CTNNA3: variants seen among roughly 807,000 people sequenced by gnomAD.
The protein encoded by CTNNA3 is catenin alpha 3, also known as catenin alpha-3.
CTNNA3 carries 76 observed loss-of-function variants against 95.7 expected under a neutral mutation model. The observed-to-expected ratio is 0.79, with a 90% CI of 0.66 to 0.96. The LOEUF (loss-of-function observed/expected upper bound fraction) is 0.96, where lower values mean the gene tolerates loss of function less well. CTNNA3 is among the 40% of genes least tolerant of loss of function. CTNNA3 has a pLI of 0.00. For missense variants in CTNNA3, 1,191 were observed against 1,089.8 expected, an observed-to-expected ratio of 1.09 and a Z score of -1.31; for synonymous variants, 431 against 374.4, an observed-to-expected ratio of 1.15 and a Z score of -1.74.
Position 67,205,409 on chromosome 10 carries a change from G to T in CTNNA3, c.843+14198C>A, listed in dbSNP as rs75580216. Reference sequence around the variant, plus strand: ...TCTTACTAGTAAATAATTTTATTTAGTTCTTATTTACCCACCAAAATTGCA... The same window carrying T: ...TCTTACTAGTAAATAATTTTATTTATTTCTTATTTACCCACCAAAATTGCA... On this transcript the variant is annotated intron_variant, in intron 6 of 17. Transcript: ENST00000433211. Among the ~76,000 whole-genome samples the T allele has an allele frequency of 4.6e-5, 7 of 152,146 alleles. No homozygotes were observed. The East Asian group carries it at 1.4e-3, about 29-fold the overall frequency.
chr10:67,660,885 C>T (rs747100849), intron 1 of CTNNA3, among the ~76,000 whole-genome samples: 9 of 149,596 alleles, frequency 6.0e-5, no homozygotes, highest in Non-Finnish European at 1.2e-4. Flanking sequence ...GAGCCAAGAT[C>T]GCGCCACTGC....
intron 9 of CTNNA3, among the ~76,000 whole-genome samples, chr10:66,755,733 A>G (rs1839338907): frequency 6.6e-6 from 1 of 152,112 alleles, no homozygotes; most frequent in Admixed American, 6.6e-5. Flanking sequence ...CTCAGTCTAA[A>G]CGTTGCCAGT....
At chr10:67,292,696 A>G (rs1005899538) in intron 5 of CTNNA3, among the ~76,000 whole-genome samples, 1 of 152,182 alleles carries the variant, frequency 6.6e-6, no homozygotes, top group African/African-American at 2.4e-5. Context: ...CTTTAGTTTT[A>G]CTTAATAATC....
chr10:66,269,207 A>C (rs989325718), intron 13 of CTNNA3, among the ~76,000 whole-genome samples: 1 of 152,218 alleles, frequency 6.6e-6, no homozygotes, highest in Non-Finnish European at 1.5e-5. Context: ...AAAAGACTAC[A>C]TGACTTACAT....
chr10:67,391,502 G>A (rs528852154), intron 5 of CTNNA3, among the ~76,000 whole-genome samples: 1 of 152,148 alleles, frequency 6.6e-6, no homozygotes, highest in African/African-American at 2.4e-5. Flanking sequence ...CAGATTCAAT[G>A]CCATCCCCAT....
chr10:66,064,420 G>T (rs1461955314), intron 15 of CTNNA3, among the ~76,000 whole-genome samples: 1 of 152,120 alleles, frequency 6.6e-6, no homozygotes, highest in Non-Finnish European at 1.5e-5. Context: ...AATTTCCTTG[G>T]TGATCATTCT....
intron 7 of CTNNA3, among the ~76,000 whole-genome samples, chr10:67,135,408 C>T (rs1860246815): frequency 6.6e-6 from 1 of 152,126 alleles, no homozygotes; most frequent in Non-Finnish European, 1.5e-5. Flanking sequence ...GTCACAATGG[C>T]TCATGCCTGC....
intron 11 of CTNNA3, among the ~76,000 whole-genome samples, chr10:66,453,981 A>G (rs1206561492): frequency 6.6e-6 from 1 of 152,212 alleles, no homozygotes; most frequent in Non-Finnish European, 1.5e-5. Context: ...TAGGGAGCTT[A>G]TCCTGAATTA....
intron 11 of CTNNA3, among the ~76,000 whole-genome samples, chr10:66,394,566 AAAAAAG>A (rs1185605594): frequency 2.6e-5 from 4 of 151,570 alleles, no homozygotes; most frequent in African/African-American, 9.7e-5. Context: ...AAAAAAAAAA[AAAAAAG>A]AAGAAGAAAT....
chr10:67,397,496 C>A (rs1458101672), intron 5 of CTNNA3, among the ~76,000 whole-genome samples: 1 of 152,110 alleles, frequency 6.6e-6, no homozygotes, highest in Admixed American at 6.6e-5. Flanking sequence ...AGTGACAAAG[C>A]ATTCAAGAGG....
At chr10:66,351,353 G>T (rs1032975054) in intron 12 of CTNNA3, among the ~76,000 whole-genome samples, 1 of 151,996 alleles carries the variant, frequency 6.6e-6, no homozygotes, top group African/African-American at 2.4e-5. Context: ...GAAGACTTGG[G>T]CTGAGAGAAG....
chr10:66,554,003 T>C (rs534530770), intron 10 of CTNNA3, among the ~76,000 whole-genome samples: 2 of 152,142 alleles, frequency 1.3e-5, no homozygotes, highest in Non-Finnish European at 2.9e-5. Context: ...ATTTACCTAC[T>C]TTTTGTTACT....
intron 7 of CTNNA3, among the ~76,000 whole-genome samples, chr10:67,079,865 AC>A: frequency 4.5e-5 from 1 of 22,056 alleles, no homozygotes; most frequent in Non-Finnish European, 7.6e-5. Flanking sequence ...CAAAACACAC[AC>A]ACACACACAC....
rs765405127 is a variant in CTNNA3, at chr10:67,079,191, T to G, written c.1047+101126A>C. 1.7e-3 allele frequency among the ~76,000 whole-genome samples: 261 copies of G among 152,324 alleles called. 2 individuals carry two copies. Among genetic ancestry groups the G allele is most frequent in the Non-Finnish European group, 4.1e-4 (28 of 68,022 alleles). ...GCTGGCTGTATTTTTTGTGTGGGGA[T>G]GTATGCAAGGTTAACTTATGAGCAC... On this transcript the variant is annotated intron_variant, in intron 7 of 17. Transcript: ENST00000433211.
chr10:67,051,047 C>T (rs971297114), intron 7 of CTNNA3, among the ~76,000 whole-genome samples: 3 of 152,098 alleles, frequency 2.0e-5, no homozygotes, highest in Non-Finnish European at 4.4e-5. Flanking sequence ...TTTTCAAGAA[C>T]CTTACAATAT....
chr10:67,501,484 T>C lies in CTNNA3; in HGVS notation c.579+20358A>G, dbSNP rs531093321. Among the ~76,000 whole-genome samples, 36 of 152,350 alleles carry C rather than the reference T, an allele frequency of 2.4e-4. No individual in the cohort carries two copies. In the South Asian group the frequency reaches 6.0e-3, roughly 25 times the overall value. The stretch of plus-strand genomic sequence containing the variant: ...AGAAGTATCTTTGTGGTGTTCTCTG[T>C]ATATCCTGAATTTGAATGTTGGCCT... On this transcript the variant is annotated intron_variant, in intron 5 of 17. Transcript: ENST00000433211.
intron 7 of CTNNA3, among the ~76,000 whole-genome samples, chr10:66,792,493 C>CA (rs1237416991): frequency 1.9e-4 from 29 of 152,236 alleles, no homozygotes; most frequent in Admixed American, 1.8e-3. Context: ...GGTACTCACA[C>CA]AGCAGGTACA....
chr10:66,658,694 T>C (rs1846153226), intron 9 of CTNNA3, among the ~76,000 whole-genome samples: 2 of 152,140 alleles, frequency 1.3e-5, no homozygotes, highest in African/African-American at 2.4e-5. Context: ...TTCTCTCTCT[T>C]TTCTAAAATA....
chr10:67,695,725 T>C (rs185077552), intron 1 of CTNNA3, among the ~76,000 whole-genome samples: 9 of 152,190 alleles, frequency 5.9e-5, no homozygotes, highest in African/African-American at 1.7e-4. Context: ...CGGCTTTTTA[T>C]AGCCAGAAAC....
Sources: gnomAD v4.1 joint callset for allele counts (sites outside exome capture counted in the v4.1 genomes callset) on GRCh38, gnomAD v4.1.1 for gene constraint, MANE v1.5 for transcripts, NCBI Gene and HGNC (gene_info 2026-07-23, HGNC 2026-07-21) for gene names.